The following RPL15 variants were observed in gnomAD, a reference collection of about 807,000 sequenced individuals.
RPL15 encodes ribosomal protein L15.
For synonymous variants in RPL15, 97 were observed against 95.1 expected (o/e 1.02, Z -0.12); for missense variants, 161 against 271.8 (o/e 0.59, Z 2.87).
At chr3:23,918,243 C>A in intron 2 of RPL15, 197 bp from the exon 3 acceptor site, 2 of 901,660 alleles carry the variant, frequency 2.2e-6, no homozygotes, top group Non-Finnish European at 3.3e-6. Context: ...CAGACTAAAG[C>A]AAAATAAACA....
At chr3:23,919,124 A>G in intron 3 of RPL15, 72 bp from the exon 4 acceptor site, 1 of 1,041,126 alleles carries the variant, frequency 9.6e-7, no homozygotes, top group South Asian at 1.4e-5. Context: ...AGAGTTGAGA[A>G]TTAAAATTCT....
In RPL15 at chr3:23,920,648, C is replaced by T; in HGVS notation, c.*1147C>T. On this transcript the variant is annotated 3_prime_UTR_variant, in exon 4 of 4. Transcript: ENST00000307839. ...TGCTGACTTAATTTAAATGCTCGTT[C>T]TGAACCAATTTTCTCCTATCTTCTC... 1 of 985,170 alleles carries T rather than the reference C, an allele frequency of 1.0e-6. No homozygotes were observed. Among genetic ancestry groups the T allele is most frequent in the Non-Finnish European group, 1.2e-6 (1 of 829,712 alleles). The allele number at this position is 985,170 out of a possible 1,614,324, so 61.0% of individuals were successfully genotyped here.
upstream of RPL15, chr3:23,916,679 G>C (rs531183537): frequency 3.1e-4 from 47 of 152,784 alleles, no homozygotes; most frequent in Non-Finnish European, 4.6e-4. Context: ...CTGGGGCCCA[G>C]ATTTCTGCGC....
At position 23,919,720 on chromosome 3, in the gene RPL15, G is replaced by A; in HGVS notation, c.*219G>A. The A allele has an allele frequency of 7.3e-7, 1 of 1,360,802 alleles. No homozygotes were observed. The highest frequency in any genetic ancestry group is 2.8e-5 in the East Asian group (1 of 36,246). 84.3% of individuals were successfully genotyped at this position (1,360,802 alleles called of 1,614,324 possible). ...TTTTGTCTTTGCTTTATCTTATTAG[G>A]GAGTTGTATGTCAGTGTATAAAACA... is the stretch of plus-strand genomic sequence containing the variant. On this transcript the variant is annotated 3_prime_UTR_variant, in exon 4 of 4. Transcript: ENST00000307839.
At chr3:23,923,186 A>T (rs1025116296), downstream of RPL15, 2 of 149,878 alleles carry the variant, frequency 1.3e-5, no homozygotes, top group East Asian at 3.9e-4. Flanking sequence ...TATGTATCTC[A>T]GAGCTTATTC....
In RPL15 at chr3:23,918,015, C is replaced by T. The variant is rs749731223; in HGVS notation, c.156C>T (p.Gly52=). Residue 52 remains glycine (G), a synonymous_variant, in exon 2 of 4, where the codon GGC becomes GGT. Transcript: ENST00000307839. ...GGCCTGATAAAGCGCGCCGACTGGG[C>T]TACAAGGCCAAGCAAGGTACGTGAT... ...PTRPDKARRL[G]YKAKQGYVIY... The T allele has an allele frequency of 4.3e-6, 7 of 1,609,480 alleles. No individual in the cohort carries two copies. In the Admixed American group the frequency reaches 1.2e-4, roughly 28 times the overall value.
At position 23,920,423 on chromosome 3, in the gene RPL15, T is replaced by C. The variant is rs1705012588; in HGVS notation, c.*922T>C. Reference sequence around the variant, plus strand: ...TTTTCTGCAGTTATTTCTCTTGTTCTGGCCAAACAACCCTAAAAATCCTTA... The same window carrying C: ...TTTTCTGCAGTTATTTCTCTTGTTCCGGCCAAACAACCCTAAAAATCCTTA... On this transcript the variant is annotated 3_prime_UTR_variant, in exon 4 of 4. Coordinates refer to ENST00000307839, the MANE Select transcript of RPL15 (RefSeq NM_002948.5). 2 of 985,352 alleles carry C rather than the reference T, an allele frequency of 2.0e-6. No homozygotes were observed. The highest frequency in any genetic ancestry group is 2.4e-6 in the Non-Finnish European group (2 of 829,952). The allele number at this position is 985,352 out of a possible 1,614,324, so 61.0% of individuals were successfully genotyped here.
chr3:23,921,953 G>A (rs1284981078), downstream of RPL15: 1 of 237,672 alleles, frequency 4.2e-6, no homozygotes, highest in South Asian at 1.2e-4. Flanking sequence ...AAGCAATCCT[G>A]CCTTGGCCTC....
At chr3:23,921,572 T>TTTG, downstream of RPL15, 2 of 294,198 alleles carry the variant, frequency 6.8e-6, no homozygotes, top group Non-Finnish European at 1.1e-5. Flanking sequence ...ATTATTGAGT[T>TTTG]TTTTTTTTTT....
intron 2 of RPL15, 38 bp downstream of exon 2, chr3:23,918,069 T>C (rs2125251617): frequency 1.3e-6 from 2 of 1,583,838 alleles, no homozygotes; most frequent in Admixed American, 1.9e-5. Context: ...GATAAAATTA[T>C]ATTCGAGAAA....
chr3:23,921,534 T>C (rs550975027), downstream of RPL15: 47 of 682,538 alleles, frequency 6.9e-5, 1 homozygote, highest in South Asian at 6.5e-4. Flanking sequence ...TATTTCTATA[T>C]TGGCATGTAA....
chr3:23,919,893 T>G lies in RPL15; in HGVS notation c.*392T>G, dbSNP rs559742573. The stretch of plus-strand genomic sequence containing the variant: ...CTGGTTTATTTTCAAGTGGCTGCGT[T>G]TTTTTTAGTTTGGCAGGTGTAGACT... On this transcript the variant is annotated 3_prime_UTR_variant, in exon 4 of 4. Coordinates refer to ENST00000307839, the MANE Select transcript of RPL15 (RefSeq NM_002948.5). 17 of 994,192 alleles carry G rather than the reference T, an allele frequency of 1.7e-5. No homozygotes were observed. The South Asian group carries it at 7.4e-4, about 43-fold the overall frequency. The allele number at this position is 994,192 out of a possible 1,614,324, so 61.6% of individuals were successfully genotyped here. A position where few individuals can be genotyped will look rare whatever the true frequency, so the allele number is the denominator to read the frequency against.
chr3:23,920,054 G>T lies in RPL15; in HGVS notation c.*553G>T, dbSNP rs1166798929. ...GGCTTCATGGCATTCAGTGATTAGTGGTAATGGTAAACACTGGTGTGTTTT... is the reference window on the plus strand; with the variant it reads ...GGCTTCATGGCATTCAGTGATTAGTTGTAATGGTAAACACTGGTGTGTTTT... On this transcript the variant is annotated 3_prime_UTR_variant, in exon 4 of 4. Transcript: ENST00000307839. The T allele has an allele frequency of 1.2e-5, 12 of 986,016 alleles. No individual in the cohort carries two copies. Among genetic ancestry groups the T allele is most frequent in the Non-Finnish European group, 1.4e-5 (12 of 830,078 alleles). 61.1% of individuals were successfully genotyped at this position (986,016 alleles called of 1,614,324 possible).
At position 23,920,949 on chromosome 3, in the gene RPL15, T is replaced by A. The variant is rs1341808740; in HGVS notation, c.*1448T>A. 5.9e-6 allele frequency: 1 copy of A among 170,858 alleles called. No homozygotes were observed. Among genetic ancestry groups the A allele is most frequent in the African/African-American group, 2.4e-5 (1 of 41,798 alleles). 10.6% of individuals were successfully genotyped at this position (170,858 alleles called of 1,614,324 possible). On this transcript the variant is annotated 3_prime_UTR_variant, in exon 4 of 4. Coordinates refer to ENST00000307839, the MANE Select transcript of RPL15 (RefSeq NM_002948.5). ...AGGCATCAAAATGTGATTATAGAAA[T>A]AATATAATTTGAGATAGCATAAAAT...
Position 23,917,997 on chromosome 3 carries a change from T to G in RPL15, c.138T>G (p.Asp46Glu), listed in dbSNP as rs778175191. Residue 46 changes from aspartate (D) to glutamate (E), a missense_variant, in exon 2 of 4, where the codon GAT (aspartate) becomes GAG (glutamate). Asp to Glu is a conservative substitution (Grantham distance 45). Transcript: ENST00000307839. ...LHRAPRPTRP[D>E]KARRLGYKAK... ...GGGCTCCCCGCCCCACCCGGCCTGATAAAGCGCGCCGACTGGGCTACAAGG... is the reference window on the plus strand; with the variant it reads ...GGGCTCCCCGCCCCACCCGGCCTGAGAAAGCGCGCCGACTGGGCTACAAGG... 8.7e-6 allele frequency: 14 copies of G among 1,610,888 alleles called. No homozygotes were observed. Among genetic ancestry groups the G allele is most frequent in the South Asian group, 1.1e-5 (1 of 90,756 alleles).
At chr3:23,916,577 G>A (rs547180721), upstream of RPL15, 5 of 152,420 alleles carry the variant, frequency 3.3e-5, no homozygotes, top group South Asian at 6.2e-4. Context: ...GAGCTGAAGG[G>A]ACACAGCGAG....
At chr3:23,921,570 G>GTTGTT (rs1559513544), downstream of RPL15, 219 of 508,730 alleles carry the variant, frequency 4.3e-4, 9 homozygotes, top group Admixed American at 7.5e-4. Context: ...TGATTATTGA[G>GTTGTT]TTTTTTTTTT....
chr3:23,921,668 G>A (rs193020435), downstream of RPL15: 414 of 665,110 alleles, frequency 6.2e-4, 1 homozygote, highest in African/African-American at 6.7e-3. Flanking sequence ...TCTGTCTCCC[G>A]GGTTTGAGCA....
In RPL15 at chr3:23,917,906, C is replaced by G. The variant is rs746016083; in HGVS notation, c.47C>G (p.Ser16Cys). 1.2e-6 allele frequency: 2 copies of G among 1,613,314 alleles called. No individual in the cohort carries two copies. The highest frequency in any genetic ancestry group is 2.7e-5 in the African/African-American group (2 of 74,896). The change falls in exon 2 of 4, where the codon TCT (serine) becomes TGT (cysteine). Residue 16 changes from serine to cysteine, a missense_variant. Ser to Cys is a moderately radical substitution (Grantham distance 112, BLOSUM62 -1). Transcript: ENST00000307839. ...YIQELWRKKQSDVMRFLLRVR... is the reference protein window; with the variant it reads ...YIQELWRKKQCDVMRFLLRVR... ...CAGGAGCTATGGAGAAAGAAGCAGT[C>G]TGATGTCATGCGCTTTCTTCTGAGG...
Sources: gnomAD v4.1 joint callset for allele counts on GRCh38, gnomAD v4.1.1 for gene constraint, MANE v1.5 for transcripts, NCBI Gene and HGNC (gene_info 2026-07-23, HGNC 2026-07-21) for gene names.